The following CNTNAP5 variants were observed in gnomAD, a reference collection of about 807,000 sequenced individuals.
CNTNAP5 encodes the protein contactin associated protein family member 5.
In CNTNAP5, 72 loss-of-function variants were observed where a neutral mutation model predicts 150.2. The observed-to-expected ratio is 0.48, with a 90% CI of 0.40 to 0.58. The LOEUF (loss-of-function observed/expected upper bound fraction) is 0.58, where lower values mean the gene tolerates loss of function less well. Ranked by LOEUF, CNTNAP5 falls within the 20% of genes least tolerant of loss-of-function variation. The pLI, the probability that CNTNAP5 is intolerant of heterozygous loss-of-function variation, is 0.00. For missense variants in CNTNAP5, 1,636 were observed against 1,626.2 expected, an observed-to-expected ratio of 1.01 and a Z score of -0.10; for synonymous variants, 672 against 619.8, an observed-to-expected ratio of 1.08 and a Z score of -1.25.
At position 124,915,851 on chromosome 2, in the gene CNTNAP5, C is replaced by T. The variant is rs1678758453; in HGVS notation, c.*1563C>T. On this transcript the variant is annotated 3_prime_UTR_variant, in exon 24 of 24. Coordinates refer to ENST00000682447, the MANE Select transcript of CNTNAP5 (RefSeq NM_001367498.1). ...CTTGGAGAAAAAGGTAAGGAGAAGA[C>T]AATGTAAATGCTCCAAGATAGTGGA... Among the ~76,000 whole-genome samples the T allele has an allele frequency of 6.6e-6, 1 of 151,996 alleles. No individual in the cohort carries two copies. Among genetic ancestry groups the T allele is most frequent in the African/African-American group, 2.4e-5 (1 of 41,408 alleles).
intron 7 of CNTNAP5, among the ~76,000 whole-genome samples, chr2:124,485,537 C>T (rs369068931): frequency 5.0e-5 from 7 of 141,066 alleles, no homozygotes; most frequent in Non-Finnish European, 9.0e-5. Context: ...AGCATGAACC[C>T]GGGAGGCGGA....
In CNTNAP5 at chr2:124,589,461, C is replaced by T. The variant is rs140552354; in HGVS notation, c.1757-20340C>T. 4.2e-3 allele frequency among the ~76,000 whole-genome samples: 647 copies of T among 152,282 alleles called. 3 individuals are homozygous for T. Among genetic ancestry groups the T allele is most frequent in the African/African-American group, 0.015 (610 of 41,570 alleles). On this transcript the variant is annotated intron_variant, in intron 11 of 23. Coordinates refer to ENST00000682447, the MANE Select transcript of CNTNAP5 (RefSeq NM_001367498.1). ...CTTTTGGGTTGTTTCCACTTTTTGA[C>T]TATTATGAATAATGGACATGCATAT...
At chr2:124,740,636 AC>A (rs1174831210) in intron 13 of CNTNAP5, among the ~76,000 whole-genome samples, 4 of 152,098 alleles carry the variant, frequency 2.6e-5, no homozygotes, top group African/African-American at 9.7e-5. Context: ...CTTCTTTATA[AC>A]CCCTACAGAA....
rs535037099 is a variant in CNTNAP5, at chr2:124,426,231, C to T, written c.530-8253C>T. Among the ~76,000 whole-genome samples the T allele has an allele frequency of 3.3e-5, 5 of 152,114 alleles. No individual in the cohort carries two copies. In the South Asian group the frequency reaches 1.0e-3, roughly 32 times the overall value. ...CATGTGCTATCATGCATAGGAATGT[C>T]AGAAATTTTGAAAGAAAAGCTATGT... is the stretch of plus-strand genomic sequence containing the variant. On this transcript the variant is annotated intron_variant, in intron 4 of 23. Transcript: ENST00000682447.
chr2:124,115,851 C>T (rs979217536), intron 1 of CNTNAP5, among the ~76,000 whole-genome samples: 1 of 147,510 alleles, frequency 6.8e-6, no homozygotes, highest in Non-Finnish European at 1.5e-5. Context: ...CACATTTGTG[C>T]AGGCTGGTCT....
intron 23 of CNTNAP5, among the ~76,000 whole-genome samples, chr2:124,913,290 C>T (rs757136577): frequency 4.3e-4 from 66 of 152,042 alleles, no homozygotes; most frequent in Non-Finnish European, 1.5e-5. Context: ...ACACATCTGC[C>T]GCTTCCATGT....
At chr2:124,304,420 A>T (rs1688632158) in intron 3 of CNTNAP5, among the ~76,000 whole-genome samples, 1 of 147,394 alleles carries the variant, frequency 6.8e-6, no homozygotes, top group Admixed American at 6.7e-5. Context: ...ATGATATAAA[A>T]ACACTGAACC....
At chr2:124,701,028 A>G (rs1199074675) in intron 13 of CNTNAP5, among the ~76,000 whole-genome samples, 2 of 151,960 alleles carry the variant, frequency 1.3e-5, no homozygotes, top group Non-Finnish European at 2.9e-5. Context: ...AGCCAAATCT[A>G]CTAGTTTAGC....
chr2:124,354,073 T>C (rs1326071692), intron 3 of CNTNAP5, among the ~76,000 whole-genome samples: 1 of 151,946 alleles, frequency 6.6e-6, no homozygotes, highest in Non-Finnish European at 1.5e-5. Flanking sequence ...GATACAAGTA[T>C]ATAAAAAGAA....
chr2:124,262,059 T>C (rs1687471957), intron 3 of CNTNAP5, among the ~76,000 whole-genome samples: 1 of 152,046 alleles, frequency 6.6e-6, no homozygotes, highest in African/African-American at 2.4e-5. Context: ...ATGGGCAACA[T>C]AGTGAGATCT....
intron 22 of CNTNAP5, among the ~76,000 whole-genome samples, chr2:124,904,981 T>C (rs907949657): frequency 7.1e-6 from 1 of 140,686 alleles, no homozygotes; most frequent in Non-Finnish European, 1.5e-5. Flanking sequence ...TTTTAAACCA[T>C]ATGACTGATG....
chr2:124,670,648 TGTTGTTGTTTGTA>T (rs1678804880), intron 13 of CNTNAP5, among the ~76,000 whole-genome samples: 1 of 126,694 alleles, frequency 7.9e-6, no homozygotes, highest in Admixed American at 8.6e-5. Flanking sequence ...TTGCACTTGT[TGTTGTTGTTTGTA>T]CTTTTGATGT....
intron 13 of CNTNAP5, among the ~76,000 whole-genome samples, chr2:124,651,403 A>G (rs923774153): frequency 7.9e-5 from 12 of 152,250 alleles, no homozygotes; most frequent in African/African-American, 2.7e-4. Flanking sequence ...TAAATGGCCA[A>G]TAATGACTGA....
chr2:124,147,369 C>T (rs931207261), intron 1 of CNTNAP5, among the ~76,000 whole-genome samples: 10 of 152,162 alleles, frequency 6.6e-5, no homozygotes, highest in African/African-American at 2.4e-4. Context: ...TAAGCAAACA[C>T]ATTAATATTT....
intron 19 of CNTNAP5, among the ~76,000 whole-genome samples, chr2:124,858,622 A>T (rs1677436085): frequency 6.6e-6 from 1 of 152,174 alleles, no homozygotes; most frequent in Non-Finnish European, 1.5e-5. Context: ...CAAGTTAAAT[A>T]ATGGGTTATA....
intron 11 of CNTNAP5, among the ~76,000 whole-genome samples, chr2:124,567,555 C>G (rs1696051423): frequency 6.6e-6 from 1 of 152,118 alleles, no homozygotes; most frequent in South Asian, 2.1e-4. Context: ...AAAGTGGTAT[C>G]CTATTCTCCA....
At position 124,504,348 on chromosome 2, in the gene CNTNAP5, C is replaced by T. The variant is rs1018015581; in HGVS notation, c.1119C>T (p.Asn373=). The stretch of plus-strand genomic sequence containing the variant: ...AGATTGTGCCCATCACATTTGTCAA[C>T]TCCAGCGGCAGCTATTTGCTGCTGC... ...EPQIVPITFV[N]SSGSYLLLPG... is the part of the protein sequence containing the mutation. Residue 373 remains asparagine (N), a synonymous_variant, in exon 8 of 24, where the codon AAC becomes AAT. Transcript: ENST00000682447. The T allele has an allele frequency of 1.2e-6, 2 of 1,613,932 alleles. No individual in the cohort carries two copies. The highest frequency in any genetic ancestry group is 4.5e-5 in the East Asian group (2 of 44,876).
chr2:124,737,227 G>T (rs956022184), intron 13 of CNTNAP5, among the ~76,000 whole-genome samples: 1 of 151,046 alleles, frequency 6.6e-6, no homozygotes, highest in East Asian at 2.0e-4. Context: ...GGAGGCGGAG[G>T]TTGCAGTGAG....
chr2:124,855,394 A>C (rs527475725), intron 19 of CNTNAP5, among the ~76,000 whole-genome samples: 2 of 151,948 alleles, frequency 1.3e-5, no homozygotes, highest in African/African-American at 2.4e-5. Context: ...GTCAGGCTCG[A>C]ACTCCTGACC....
Sources: allele counts gnomAD v4.1 joint callset (sites outside exome capture counted in the v4.1 genomes callset), GRCh38; gene constraint gnomAD v4.1.1; transcripts MANE v1.5; gene names NCBI Gene and HGNC (gene_info 2026-07-23, HGNC 2026-07-21).